Variants in TIAM1 observed in about 807,000 individuals in gnomAD.
TIAM1 encodes the protein rho guanine nucleotide exchange factor TIAM1.
Under a neutral mutation model 163.5 loss-of-function variants are expected in TIAM1, and 65 were observed. The ratio of observed to expected loss-of-function variants is 0.40; its 90% confidence interval spans 0.33 to 0.49. The LOEUF (loss-of-function observed/expected upper bound fraction) is 0.49, where lower values mean the gene tolerates loss of function less well. TIAM1 is among the 20% of genes least tolerant of loss of function. The probability of loss-of-function intolerance (pLI) is 0.77; values close to 1 mark genes in which losing one functional copy is unlikely to be tolerated. For missense variants in TIAM1, 1,789 were observed against 2,044.7 expected (o/e 0.87, Z 2.41); for synonymous variants, 833 against 810.1 (o/e 1.03, Z -0.48).
chr21:31,427,900 A>T (rs1050795781), intron 2 of TIAM1, among the ~76,000 whole-genome samples: 2 of 152,096 alleles, frequency 1.3e-5, no homozygotes, highest in African/African-American at 4.8e-5. Flanking sequence ...GGAACGAAAA[A>T]CTTTTTAAAA....
chr21:31,422,133 G>A (rs973601639), intron 2 of TIAM1, among the ~76,000 whole-genome samples: 2 of 152,078 alleles, frequency 1.3e-5, no homozygotes, highest in African/African-American at 2.4e-5. Context: ...TCCTGTTTTC[G>A]TAAGCCACCA....
chr21:31,275,546 T>C (rs561306220), intron 3 of TIAM1, among the ~76,000 whole-genome samples: 21 of 152,222 alleles, frequency 1.4e-4, no homozygotes, highest in Admixed American at 7.2e-4. Context: ...CCTCCTCTCA[T>C]TGTATCTATG....
At chr21:31,297,181 G>T (rs1308073959) in intron 2 of TIAM1, among the ~76,000 whole-genome samples, 1 of 152,174 alleles carries the variant, frequency 6.6e-6, no homozygotes, top group Admixed American at 6.5e-5. Flanking sequence ...AAATTAGAGG[G>T]TATACTTGAA....
intron 2 of TIAM1, among the ~76,000 whole-genome samples, chr21:31,444,268 C>T (rs2044537593): frequency 6.6e-6 from 1 of 152,062 alleles, no homozygotes; most frequent in African/African-American, 2.4e-5. Flanking sequence ...CTGTCGTTCA[C>T]GGCGTGGCGC....
At chr21:31,279,117 A>G (rs2073430827) in intron 2 of TIAM1, among the ~76,000 whole-genome samples, 1 of 152,010 alleles carries the variant, frequency 6.6e-6, no homozygotes, top group Non-Finnish European at 1.5e-5. Context: ...GTCCCTGAAC[A>G]AAAAAATATA....
At chr21:31,387,383 C>T (rs1034943360) in intron 2 of TIAM1, among the ~76,000 whole-genome samples, 1 of 151,234 alleles carries the variant, frequency 6.6e-6, no homozygotes, top group East Asian at 2.0e-4. Context: ...CTACCACACC[C>T]GGCTAATTTT....
At chr21:31,298,207 A>C (rs2074365170) in intron 2 of TIAM1, among the ~76,000 whole-genome samples, 8 of 152,088 alleles carry the variant, frequency 5.3e-5, no homozygotes, top group Admixed American at 5.2e-4. Flanking sequence ...CCTTCCAATA[A>C]CTATGCATAT....
At chr21:31,327,299 A>C (rs1325283533) in intron 2 of TIAM1, among the ~76,000 whole-genome samples, 2 of 152,216 alleles carry the variant, frequency 1.3e-5, no homozygotes, top group African/African-American at 4.8e-5. Flanking sequence ...TCATCAGCTA[A>C]GTACCCTTAT....
chr21:31,372,905 A>G (rs2076620392), intron 2 of TIAM1, among the ~76,000 whole-genome samples: 2 of 151,982 alleles, frequency 1.3e-5, no homozygotes, highest in South Asian at 4.2e-4. Context: ...AAAATACAAA[A>G]TTAGCCAGGC....
intron 7 of TIAM1, 54 bp downstream of exon 7, chr21:31,225,671 AC>A: frequency 2.1e-6 from 3 of 1,421,214 alleles, no homozygotes; most frequent in Non-Finnish European, 2.9e-6. Flanking sequence ...AAAAAAAAAA[AC>A]CCTTTTAGAG....
At chr21:31,325,388 C>T (rs1471805453) in intron 2 of TIAM1, among the ~76,000 whole-genome samples, 1 of 151,698 alleles carries the variant, frequency 6.6e-6, no homozygotes, top group Non-Finnish European at 1.5e-5. Flanking sequence ...TCAGAAGGGG[C>T]CAGGTGCAGT....
chr21:31,480,174 G>C (rs1480014246), intron 1 of TIAM1, among the ~76,000 whole-genome samples: 1 of 152,214 alleles, frequency 6.6e-6, no homozygotes, highest in Non-Finnish European at 1.5e-5. Context: ...AAAAGGTTCA[G>C]CCTCCAAGAG....
At chr21:31,228,245 A>AATAATCAGATAAGGATTTTTCCTTT (rs1555897901) in intron 6 of TIAM1, among the ~76,000 whole-genome samples, 1 of 67,090 alleles carries the variant, frequency 1.5e-5, no homozygotes, top group Non-Finnish European at 3.8e-5. Context: ...AAAAAAAAAA[A>AATAATCAGATAAGGATTTTTCCTTT]AAAAAAAAAA....
intron 2 of TIAM1, among the ~76,000 whole-genome samples, chr21:31,293,917 T>A (rs1397138125): frequency 1.3e-5 from 2 of 152,228 alleles, no homozygotes; most frequent in Non-Finnish European, 2.9e-5. Flanking sequence ...AGCTTCTGAT[T>A]CTTGAAACAG....
intron 1 of TIAM1, among the ~76,000 whole-genome samples, chr21:31,471,103 G>C (rs918714644): frequency 1.3e-4 from 20 of 152,160 alleles, no homozygotes; most frequent in African/African-American, 4.6e-4. Context: ...GAAAACCTCC[G>C]GGCTGCTGAG....
intron 8 of TIAM1, among the ~76,000 whole-genome samples, chr21:31,219,025 T>C (rs1272980987): frequency 3.3e-5 from 2 of 59,908 alleles, no homozygotes; most frequent in East Asian, 9.8e-4. Flanking sequence ...AAGCATTTCC[T>C]TTTTTTTTTT....
At chr21:31,528,726 AC>A (rs760697808) in intron 1 of TIAM1, among the ~76,000 whole-genome samples, 1 of 147,668 alleles carries the variant, frequency 6.8e-6, no homozygotes, top group Non-Finnish European at 1.5e-5. Context: ...AATTGCTTGA[AC>A]CCGGGAGGCG....
intron 3 of TIAM1, among the ~76,000 whole-genome samples, chr21:31,267,262 G>C (rs1167664815): frequency 6.6e-6 from 1 of 152,194 alleles, no homozygotes; most frequent in Non-Finnish European, 1.5e-5. Flanking sequence ...TCTGCCCAGA[G>C]AGAAGATGGC....
intron 1 of TIAM1, among the ~76,000 whole-genome samples, chr21:31,544,286 C>A (rs943635537): frequency 2.0e-5 from 3 of 150,440 alleles, no homozygotes; most frequent in Non-Finnish European, 4.4e-5. Flanking sequence ...TTTGGGAGGC[C>A]CAGGTAGGCA....
Sources: allele counts gnomAD v4.1 joint callset (sites outside exome capture counted in the v4.1 genomes callset), GRCh38; gene constraint gnomAD v4.1.1; transcripts MANE v1.5; gene names NCBI Gene and HGNC (gene_info 2026-07-23, HGNC 2026-07-21).